Variants in CRYZL1 observed in about 807,000 individuals in gnomAD.
CRYZL1 encodes crystallin zeta like 1, also known as ferry endosomal RAB5 effector complex subunit 4.
In CRYZL1, 34 loss-of-function variants were observed where a neutral mutation model predicts 50.6. The ratio of observed to expected loss-of-function variants is 0.67; its 90% CI spans 0.51 to 0.89. The LOEUF (loss-of-function observed/expected upper bound fraction) is 0.89, where lower values mean the gene tolerates loss of function less well. Among genes scored for constraint, CRYZL1 ranks in the 40% least tolerant of loss-of-function variants. The pLI is 0.00. For synonymous variants in CRYZL1, 125 were observed against 134.3 expected, an observed-to-expected ratio of 0.93 and a Z score of 0.48; for missense variants, 354 against 402.3, an observed-to-expected ratio of 0.88 and a Z score of 1.03.
intron 5 of CRYZL1, among the ~76,000 whole-genome samples, chr21:33,614,088 C>T (rs2086901474): frequency 6.6e-6 from 1 of 150,662 alleles, no homozygotes; most frequent in African/African-American, 2.4e-5. Flanking sequence ...AGGAGAATCG[C>T]TTGAACCTGG....
chr21:33,633,506 C>T (rs1016298386), intron 1 of CRYZL1: 5 of 152,402 alleles, frequency 3.3e-5, no homozygotes, highest in African/African-American at 1.2e-4. Context: ...CCTCCATCTC[C>T]CAGGTTCAAG....
intron 11 of CRYZL1, chr21:33,595,228 A>C: frequency 9.7e-7 from 1 of 1,031,202 alleles, no homozygotes; most frequent in Non-Finnish European, 1.2e-6. Context: ...AAAAAGTCAA[A>C]CCTATCTTCA....
chr21:33,638,735 T>G (rs1306074563), intron 1 of CRYZL1, among the ~76,000 whole-genome samples: 1 of 152,244 alleles, frequency 6.6e-6, no homozygotes, highest in African/African-American at 2.4e-5. Flanking sequence ...GGCTTATATC[T>G]GGCTAAACCT....
intron 10 of CRYZL1, 70 bp from the exon 11 acceptor site, chr21:33,595,906 T>G: frequency 1.0e-6 from 1 of 993,286 alleles, no homozygotes; most frequent in Non-Finnish European, 1.6e-6. Context: ...GTATCTCGAG[T>G]CAGAAAAACT....
At chr21:33,622,199 C>T (rs992339794) in intron 3 of CRYZL1, 131 bp from the exon 4 acceptor site, 1 of 691,806 alleles carries the variant, frequency 1.4e-6, no homozygotes, top group African/African-American at 1.8e-5. Context: ...GGAACTGAGA[C>T]AAAGCAAATA....
intron 5 of CRYZL1, among the ~76,000 whole-genome samples, chr21:33,615,881 A>G (rs1343256804): frequency 6.6e-6 from 1 of 152,188 alleles, no homozygotes; most frequent in Non-Finnish European, 1.5e-5. Flanking sequence ...ACCAAGCACT[A>G]TAGCAACTAT....
intron 1 of CRYZL1, among the ~76,000 whole-genome samples, chr21:33,638,095 C>T (rs1431355816): frequency 6.6e-6 from 1 of 151,626 alleles, no homozygotes; most frequent in Non-Finnish European, 1.5e-5. Context: ...AGAAATATGC[C>T]CAAATATTTG....
chr21:33,633,475 C>T (rs549321597), intron 1 of CRYZL1, among the ~76,000 whole-genome samples: 3 of 151,724 alleles, frequency 2.0e-5, no homozygotes, highest in East Asian at 1.9e-4. Flanking sequence ...GGCTGGAGGG[C>T]GCAGTCTCGG....
At chr21:33,640,423 T>A (rs550537666) in intron 1 of CRYZL1, among the ~76,000 whole-genome samples, 2 of 152,066 alleles carry the variant, frequency 1.3e-5, no homozygotes, top group Admixed American at 1.3e-4. Context: ...GGGGCTTTCC[T>A]ACTTATTAGC....
intron 6 of CRYZL1, among the ~76,000 whole-genome samples, chr21:33,604,442 T>G (rs1345915653): frequency 5.5e-5 from 8 of 146,260 alleles, no homozygotes; most frequent in Non-Finnish European, 1.0e-4. Context: ...GGCAGGAGAA[T>G]GGTGTGAACC....
At chr21:33,624,074 C>G (rs918376671) in intron 3 of CRYZL1, among the ~76,000 whole-genome samples, 1 of 151,844 alleles carries the variant, frequency 6.6e-6, no homozygotes, top group African/African-American at 2.4e-5. Context: ...ATTATAAACT[C>G]TTAGTTTTTT....
At chr21:33,596,190 A>C (rs978991449) in intron 10 of CRYZL1, 4 of 499,014 alleles carry the variant, frequency 8.0e-6, no homozygotes, top group African/African-American at 7.8e-5. Flanking sequence ...GTAAATATGT[A>C]ACTAGAATGC....
At chr21:33,623,863 G>T (rs994740801) in intron 3 of CRYZL1, among the ~76,000 whole-genome samples, 2 of 152,026 alleles carry the variant, frequency 1.3e-5, no homozygotes, top group Non-Finnish European at 2.9e-5. Flanking sequence ...TGTATTTCAT[G>T]GTCAATAATG....
chr21:33,596,781 A>G (rs1437019826), intron 10 of CRYZL1, among the ~76,000 whole-genome samples: 2 of 152,046 alleles, frequency 1.3e-5, no homozygotes, highest in Admixed American at 6.5e-5. Flanking sequence ...ATGTTGCTAA[A>G]GTGAAAAAAA....
intron 1 of CRYZL1, among the ~76,000 whole-genome samples, chr21:33,637,444 C>CAAAAAAAAAAAAA (rs544640250): frequency 1.3e-5 from 1 of 76,938 alleles, no homozygotes; most frequent in Non-Finnish European, 2.7e-5. Flanking sequence ...GACTCTGTCT[C>CAAAAAAAAAAAAA]AAAAAAAAAA....
intron 6 of CRYZL1, 149 bp downstream of exon 6, chr21:33,613,389 C>T: frequency 1.8e-6 from 1 of 543,550 alleles, no homozygotes; most frequent in Non-Finnish European, 3.2e-6. Context: ...TTCACATGAC[C>T]AGCCAACATT....
At chr21:33,599,638 C>CT (rs11418544) in intron 8 of CRYZL1, among the ~76,000 whole-genome samples, 145,244 of 146,844 alleles carry the variant, frequency 0.99, 71,824 homozygotes, top group Middle Eastern at 1. Context: ...AAGTCAGTTT[C>CT]TTTTTTTTTT....
At chr21:33,640,414 G>T (rs6517186) in intron 1 of CRYZL1, among the ~76,000 whole-genome samples, 121,638 of 151,236 alleles carry the variant, frequency 0.8, 49,371 homozygotes, top group East Asian at 0.98. Context: ...GTTTGAATCG[G>T]GGCTTTCCTA....
intron 3 of CRYZL1, among the ~76,000 whole-genome samples, chr21:33,624,273 G>A (rs139380784): frequency 1.4e-4 from 22 of 152,256 alleles, no homozygotes; most frequent in African/African-American, 4.8e-4. Flanking sequence ...TAGGCTGGGC[G>A]CAGTGGCTCA....
Sources: gnomAD v4.1 joint callset for allele counts (sites outside exome capture counted in the v4.1 genomes callset) on GRCh38, gnomAD v4.1.1 for gene constraint, MANE v1.5 for transcripts, NCBI Gene and HGNC (gene_info 2026-07-23, HGNC 2026-07-21) for gene names.